SEZ6: variants seen among roughly 807,000 people sequenced by gnomAD.
SEZ6 encodes the protein seizure related 6 homolog, also known as seizure protein 6 homolog.
A neutral mutation model predicts 101.0 loss-of-function variants in SEZ6; 53 were observed. The ratio of observed to expected loss-of-function variants is 0.52; its 90% CI spans 0.42 to 0.66. SEZ6 has a LOEUF of 0.66. Ranked by LOEUF, SEZ6 falls within the 30% of genes least tolerant of loss-of-function variation. SEZ6 has a pLI of 0.00. For synonymous variants in SEZ6, 488 were observed against 512.2 expected, an observed-to-expected ratio of 0.95 and a Z score of 0.64; for missense variants, 1,102 against 1,289.4, an observed-to-expected ratio of 0.85 and a Z score of 2.23.
upstream of SEZ6, chr17:29,006,391 A>C (rs1425814899): frequency 1.3e-5 from 2 of 152,404 alleles, no homozygotes; most frequent in Admixed American, 6.5e-5. Flanking sequence ...AAGACATCCG[A>C]GAGTGAGGCA....
At chr17:28,984,436 G>A (rs897486356) in intron 1 of SEZ6, among the ~76,000 whole-genome samples, 2 of 152,220 alleles carry the variant, frequency 1.3e-5, no homozygotes, top group African/African-American at 4.8e-5. Context: ...TTGGCTCTCA[G>A]AGTAGGTACC....
At chr17:28,980,660 G>T (rs1168054808) in intron 2 of SEZ6, among the ~76,000 whole-genome samples, 2 of 151,506 alleles carry the variant, frequency 1.3e-5, no homozygotes, top group African/African-American at 4.9e-5. Flanking sequence ...GAGCCACCGC[G>T]CCCGGCCAAT....
intron 1 of SEZ6, among the ~76,000 whole-genome samples, chr17:28,989,171 C>A (rs1567999301): frequency 6.6e-6 from 1 of 152,182 alleles, no homozygotes; most frequent in Non-Finnish European, 1.5e-5. Context: ...ACTTCCACAA[C>A]CTGAGTTTCC....
intron 1 of SEZ6, among the ~76,000 whole-genome samples, chr17:29,000,184 A>G (rs1358369787): frequency 6.6e-6 from 1 of 152,238 alleles, no homozygotes; most frequent in Non-Finnish European, 1.5e-5. Context: ...TTATTTGGAT[A>G]GTGATACTCT....
At position 29,005,231 on chromosome 17, in the gene SEZ6, T is replaced by C. The variant is rs1271639294; in HGVS notation, c.55+584A>G. On this transcript the variant is annotated intron_variant, in intron 1 of 16. Transcript: ENST00000317338. The surrounding 1 kb of genome is among the most constrained non-coding windows in gnomAD (Gnocchi z 4.8). The stretch of plus-strand genomic sequence containing the variant: ...GGTCCAGGCCCTTGGAGTTTCTCTC[T>C]AGAATTGTGCTCTAGGTCCCGACTC... Among the ~76,000 whole-genome samples, 1 of 152,116 alleles carries C rather than the reference T, an allele frequency of 6.6e-6. No homozygotes were observed. The highest frequency in any genetic ancestry group is 2.4e-5 in the African/African-American group (1 of 41,438).
At chr17:28,998,552 G>A (rs752225682) in intron 1 of SEZ6, among the ~76,000 whole-genome samples, 5 of 152,260 alleles carry the variant, frequency 3.3e-5, no homozygotes, top group African/African-American at 1.2e-4. Flanking sequence ...CATGATGCCT[G>A]TCCTTTTTCC....
At chr17:29,000,513 A>C (rs1256925107) in intron 1 of SEZ6, among the ~76,000 whole-genome samples, 1 of 152,204 alleles carries the variant, frequency 6.6e-6, no homozygotes, top group East Asian at 1.9e-4. Flanking sequence ...GAATGAATGA[A>C]TGATGGATGG....
At chr17:28,987,451 C>T (rs759020818) in intron 1 of SEZ6, among the ~76,000 whole-genome samples, 3 of 152,176 alleles carry the variant, frequency 2.0e-5, no homozygotes, top group Non-Finnish European at 4.4e-5. Context: ...GCTTCCAATT[C>T]CATGCGCAAC....
intron 1 of SEZ6, among the ~76,000 whole-genome samples, chr17:28,993,867 C>A (rs2152692169): frequency 6.6e-6 from 1 of 152,378 alleles, no homozygotes; most frequent in South Asian, 2.1e-4. Flanking sequence ...TGAGCTGAAT[C>A]ACCGGCCTGG....
intron 2 of SEZ6, 67 bp from the exon 3 acceptor site, chr17:28,979,880 C>CGTGT (rs3052131): frequency 0.013 from 10,720 of 857,030 alleles, 98 homozygotes; most frequent in African/African-American, 0.038. Flanking sequence ...AAGGCTGAAC[C>CGTGT]GTGTGTGTGT....
In SEZ6 at chr17:28,959,403, C is replaced by T. The variant is rs1598178800; in HGVS notation, c.1841G>A (p.Gly614Asp). 3 of 1,613,976 alleles carry T rather than the reference C, an allele frequency of 1.9e-6. No individual in the cohort carries two copies. The highest frequency in any genetic ancestry group is 2.5e-6 in the Non-Finnish European group (3 of 1,179,880). Reference protein sequence around the residue: ...VLSPNWPEPYGRGQDCIWGVH... With the variant: ...VLSPNWPEPYDRGQDCIWGVH... ...ACCCCAGATACAATCCTGCCCACGA[C>T]CGTAGGGCTCTGGCCAGTTGGGAGA... Residue 614 changes from glycine to aspartate, a missense_variant, in exon 9 of 17, where the codon GGT becomes GAT. Gly to Asp is a moderately conservative substitution (Grantham distance 94, BLOSUM62 -1). This residue lies in a region of SEZ6 where 556 missense variants were observed against 735.1 expected (regional missense o/e 0.76). Coordinates refer to ENST00000317338, the MANE Select transcript of SEZ6 (RefSeq NM_178860.5). This position sits in a 1 kb window ranked among gnomAD's most constrained non-coding sequence, Gnocchi z 4.4.
intron 5 of SEZ6, among the ~76,000 whole-genome samples, chr17:28,961,305 C>T (rs188258022): frequency 2.3e-4 from 35 of 152,166 alleles, no homozygotes; most frequent in Non-Finnish European, 2.6e-4. Flanking sequence ...TCTAGAAGGC[C>T]GACTCTCCCT....
chr17:29,005,805 G>C lies in SEZ6; in HGVS notation c.55+10C>G, dbSNP rs771134315. ...CCCCCGTCCTGCCGCCGGATGCCGG[G>C]GTCCCTTACCGTGAGCCAGGAGCGC... On this transcript the variant is annotated intron_variant, in intron 1 of 16. Coordinates refer to ENST00000317338, the MANE Select transcript of SEZ6 (RefSeq NM_178860.5). The surrounding 1 kb of genome is among the most constrained non-coding windows in gnomAD (Gnocchi z 4.8). 46 of 1,484,186 alleles carry C rather than the reference G, an allele frequency of 3.1e-5. No homozygotes were observed. Among genetic ancestry groups the C allele is most frequent in the Non-Finnish European group, 4.1e-5 (46 of 1,117,370 alleles). 91.9% of individuals were successfully genotyped at this position (1,484,186 alleles called of 1,614,324 possible).
At chr17:28,990,542 G>A (rs1369101937) in intron 1 of SEZ6, among the ~76,000 whole-genome samples, 1 of 152,140 alleles carries the variant, frequency 6.6e-6, no homozygotes, top group Non-Finnish European at 1.5e-5. Flanking sequence ...TGGGATTACA[G>A]GTGTGAGCCA....
chr17:28,991,996 CT>C (rs1385713404), intron 1 of SEZ6, among the ~76,000 whole-genome samples: 1 of 152,168 alleles, frequency 6.6e-6, no homozygotes, highest in Non-Finnish European at 1.5e-5. Flanking sequence ...GCTCTGTTGG[CT>C]TGCCCCTGCC....
intron 1 of SEZ6, among the ~76,000 whole-genome samples, chr17:28,984,376 G>T (rs2041349186): frequency 6.6e-6 from 1 of 152,366 alleles, no homozygotes; most frequent in East Asian, 1.9e-4. Flanking sequence ...CTGGATCCGG[G>T]CATTGTTTAT....
rs150855500 is a variant in SEZ6, at chr17:28,995,268, G to A, written c.55+10547C>T. Among the ~76,000 whole-genome samples the A allele has an allele frequency of 3.9e-5, 6 of 152,156 alleles. No individual in the cohort carries two copies. The East Asian group carries it at 1.2e-3, about 29-fold the overall frequency. Reference sequence around the variant, plus strand: ...CTAGGCTGTGTGTATGTGTTTGTGTGTCTGTGTGTGTGCACATGTGTATGT... The same window carrying A: ...CTAGGCTGTGTGTATGTGTTTGTGTATCTGTGTGTGTGCACATGTGTATGT... On this transcript the variant is annotated intron_variant, in intron 1 of 16. Coordinates refer to ENST00000317338, the MANE Select transcript of SEZ6 (RefSeq NM_178860.5).
In SEZ6 at chr17:28,981,411, G is replaced by A; in HGVS notation, c.684C>T (p.Thr228=). The stretch of plus-strand genomic sequence containing the variant: ...TGGTGATGGTGGTGGTGATGATGGT[G>A]GTGGTAGTGGTGGTCTCCTCATCAT... ...SGDDEETTTT[T]TIITTTITTV... Residue 228 remains threonine, a synonymous_variant, in exon 2 of 17, where the codon ACC becomes ACT. Transcript: ENST00000317338. 2.6e-6 allele frequency: 4 copies of A among 1,554,428 alleles called. No homozygotes were observed. Among genetic ancestry groups the A allele is most frequent in the Non-Finnish European group, 3.5e-6 (4 of 1,148,482 alleles).
In SEZ6 at chr17:28,981,489, C is replaced by A; in HGVS notation, c.606G>T (p.Gln202His). 6.2e-7 allele frequency: 1 copy of A among 1,600,798 alleles called. No individual in the cohort carries two copies. The highest frequency in any genetic ancestry group is 1.3e-5 in the African/African-American group (1 of 74,772). The change falls in exon 2 of 17, where the codon CAG (glutamine) becomes CAT (histidine). Residue 202 changes from glutamine (Q) to histidine (H), a missense_variant. Physicochemically the swap from Gln to His is conservative, Grantham distance 24 (BLOSUM62 0). This residue lies in a region of SEZ6 where 406 missense variants were observed against 418.6 expected (regional missense o/e 0.97). Coordinates refer to ENST00000317338, the MANE Select transcript of SEZ6 (RefSeq NM_178860.5). The part of the protein sequence containing the change: ...GRPWVAEVVS[Q>H]GAGIGIQGTI... ...TCCCCTGGATCCCGATCCCTGCGCCCTGGGACACAACCTCTGCAACCCACG... is the reference window on the plus strand; with the variant it reads ...TCCCCTGGATCCCGATCCCTGCGCCATGGGACACAACCTCTGCAACCCACG...
Sources: allele counts gnomAD v4.1 joint callset (sites outside exome capture counted in the v4.1 genomes callset), GRCh38; gene constraint gnomAD v4.1.1; regional missense constraint gnomAD v4.1.1; non-coding constraint Gnocchi (gnomAD v3.1); transcripts MANE v1.5; gene names NCBI Gene and HGNC (gene_info 2026-07-23, HGNC 2026-07-21).